The following SORCS1 variants were observed in gnomAD, a reference collection of about 807,000 sequenced individuals.
The protein encoded by SORCS1 is sortilin related VPS10 domain containing receptor 1, also known as VPS10 domain-containing receptor SorCS1.
A neutral mutation model predicts 146.1 loss-of-function variants in SORCS1; 60 were observed. The observed-to-expected ratio is 0.41, with a 90% CI of 0.33 to 0.51. SORCS1 has a LOEUF of 0.51. SORCS1 is among the 20% of genes least tolerant of loss of function. SORCS1 has a pLI of 0.21. For missense variants in SORCS1, 1,352 were observed against 1,487.6 expected (o/e 0.91, Z 1.50); for synonymous variants, 637 against 584.0 (o/e 1.09, Z -1.31).
chr10:106,656,464 G>C lies in SORCS1; in HGVS notation c.2304-3911C>G, dbSNP rs1265570710. 1.3e-5 allele frequency among the ~76,000 whole-genome samples: 2 copies of C among 152,184 alleles called. 1 individual carries two copies. Among genetic ancestry groups the C allele is most frequent in the Non-Finnish European group, 2.9e-5 (2 of 68,036 alleles). The stretch of plus-strand genomic sequence containing the variant: ...TACTCTACTCGGGAGGCTGAGGCAG[G>C]AGAATGGTGTGAACCTGGGAGGCGG... On this transcript the variant is annotated intron_variant, in intron 17 of 25. Coordinates refer to ENST00000263054, the MANE Select transcript of SORCS1 (RefSeq NM_052918.5).
intron 1 of SORCS1, among the ~76,000 whole-genome samples, chr10:107,044,061 C>T (rs543761226): frequency 6.6e-6 from 1 of 152,268 alleles, no homozygotes; most frequent in South Asian, 2.1e-4. Flanking sequence ...AATGTCAATT[C>T]TTTTCTAATT....
chr10:106,961,705 T>C (rs1481669922), intron 1 of SORCS1, among the ~76,000 whole-genome samples: 1 of 152,108 alleles, frequency 6.6e-6, no homozygotes, highest in African/African-American at 2.4e-5. Flanking sequence ...CGTAAGACAC[T>C]CCCACCAGTG....
intron 3 of SORCS1, among the ~76,000 whole-genome samples, chr10:106,794,698 T>A (rs1353953995): frequency 6.6e-6 from 1 of 151,960 alleles, no homozygotes; most frequent in Non-Finnish European, 1.5e-5. Context: ...AGAGACGGGT[T>A]TTCACCGTGT....
At chr10:106,972,719 G>A (rs1955838949) in intron 1 of SORCS1, among the ~76,000 whole-genome samples, 1 of 152,136 alleles carries the variant, frequency 6.6e-6, no homozygotes. Context: ...TGAGTTGAAT[G>A]CTTTAGAGAT....
At chr10:106,702,749 T>C (rs956380421) in intron 8 of SORCS1, among the ~76,000 whole-genome samples, 1 of 152,192 alleles carries the variant, frequency 6.6e-6, no homozygotes, top group African/African-American at 2.4e-5. Flanking sequence ...CTAAATCCTG[T>C]TTCTATTGGG....
chr10:107,092,118 T>G (rs1360886391), intron 1 of SORCS1, among the ~76,000 whole-genome samples: 2 of 152,192 alleles, frequency 1.3e-5, no homozygotes, highest in Non-Finnish European at 1.5e-5. Context: ...TATGAAAATG[T>G]GGTAAAGCAG....
chr10:107,155,688 A>T (rs1359749019), intron 1 of SORCS1, among the ~76,000 whole-genome samples: 1 of 152,070 alleles, frequency 6.6e-6, no homozygotes, highest in Non-Finnish European at 1.5e-5. Context: ...CCACCGACCC[A>T]TCCACCACCC....
At chr10:106,876,954 G>A (rs1322278869) in intron 2 of SORCS1, among the ~76,000 whole-genome samples, 2 of 152,096 alleles carry the variant, frequency 1.3e-5, no homozygotes, top group African/African-American at 4.8e-5. Context: ...TAAGCTTCTG[G>A]AGGACAAAGA....
chr10:107,096,241 T>C (rs1964537619), intron 1 of SORCS1, among the ~76,000 whole-genome samples: 1 of 152,228 alleles, frequency 6.6e-6, no homozygotes, highest in Non-Finnish European at 1.5e-5. Context: ...ATTTAACAAA[T>C]GAGGAATAAG....
chr10:106,918,607 G>A (rs1380427088), intron 2 of SORCS1, among the ~76,000 whole-genome samples: 1 of 152,040 alleles, frequency 6.6e-6, no homozygotes, highest in Non-Finnish European at 1.5e-5. Flanking sequence ...AGGAGGAGAG[G>A]GAGAAAGGGG....
chr10:106,997,507 C>A (rs1376691553), intron 1 of SORCS1, among the ~76,000 whole-genome samples: 1 of 152,104 alleles, frequency 6.6e-6, no homozygotes, highest in African/African-American at 2.4e-5. Flanking sequence ...AACACTGCCC[C>A]AATTCATCTC....
At chr10:106,647,900 C>T (rs1589560495) in intron 18 of SORCS1, among the ~76,000 whole-genome samples, 2 of 152,128 alleles carry the variant, frequency 1.3e-5, no homozygotes, top group Non-Finnish European at 1.5e-5. Flanking sequence ...CAGGGTCTCG[C>T]TCTGTCAGCC....
chr10:106,902,619 G>A (rs903670844), intron 2 of SORCS1, among the ~76,000 whole-genome samples: 1 of 152,144 alleles, frequency 6.6e-6, no homozygotes, highest in Non-Finnish European at 1.5e-5. Context: ...AGATTCATAG[G>A]TATAACTGGT....
At chr10:106,950,503 C>T (rs2138894494) in intron 2 of SORCS1, among the ~76,000 whole-genome samples, 1 of 152,164 alleles carries the variant, frequency 6.6e-6, no homozygotes, top group South Asian at 2.1e-4. Context: ...TTCTCTGTCA[C>T]CCAGTATTTT....
rs773137939 is a variant in SORCS1, at chr10:106,706,603, A to G, written c.1175T>C (p.Val392Ala). 1.9e-6 allele frequency: 3 copies of G among 1,614,170 alleles called. No homozygotes were observed. Among genetic ancestry groups the G allele is most frequent in the Non-Finnish European group, 2.5e-6 (3 of 1,180,006 alleles). The stretch of plus-strand genomic sequence containing the variant: ...GGCAAATGCATTCCTTCGGTAGGAC[A>G]CGTAGTAATGTGGCCGCCCTCCTGA... The part of the protein sequence containing the change: ...LTSGGRPHYY[V>A]SYRRNAFAQM... Residue 392 changes from valine (V) to alanine (A), a missense_variant, in exon 8 of 26, where the codon GTG becomes GCG. Coordinates refer to ENST00000263054, the MANE Select transcript of SORCS1 (RefSeq NM_052918.5).
chr10:106,984,678 C>T (rs966671241), intron 1 of SORCS1, among the ~76,000 whole-genome samples: 10 of 151,774 alleles, frequency 6.6e-5, no homozygotes, highest in African/African-American at 2.4e-4. Context: ...CAGGCATGAG[C>T]CACTGCACCT....
intron 2 of SORCS1, among the ~76,000 whole-genome samples, chr10:106,874,422 G>A (rs977917587): frequency 1.3e-5 from 2 of 152,122 alleles, no homozygotes; most frequent in African/African-American, 4.8e-5. Context: ...AGTGAACTAA[G>A]GACAATATAT....
intron 2 of SORCS1, among the ~76,000 whole-genome samples, chr10:106,848,041 C>A (rs1181164488): frequency 7.9e-6 from 1 of 126,548 alleles, no homozygotes. Context: ...TGGTGTGGTG[C>A]TGAAAAAAAT....
At chr10:106,875,149 T>A (rs961082788) in intron 2 of SORCS1, among the ~76,000 whole-genome samples, 3 of 152,146 alleles carry the variant, frequency 2.0e-5, no homozygotes, top group African/African-American at 7.2e-5. Flanking sequence ...GAGTCCATTT[T>A]ATCACTCTGT....
Sources: allele counts gnomAD v4.1 joint callset (sites outside exome capture counted in the v4.1 genomes callset), GRCh38; gene constraint gnomAD v4.1.1; transcripts MANE v1.5; gene names NCBI Gene and HGNC (gene_info 2026-07-23, HGNC 2026-07-21).